Variants in GNPTAB observed in about 807,000 individuals in gnomAD.
GNPTAB encodes the protein N-acetylglucosamine-1-phosphate transferase subunits alpha and beta, also known as N-acetylglucosamine-1-phosphotransferase subunits alpha/beta.
In GNPTAB, 92 loss-of-function variants were observed where a neutral mutation model predicts 136.6. The observed-to-expected ratio is 0.67, with a 90% confidence interval of 0.57 to 0.80. GNPTAB has a LOEUF of 0.80. Ranked by LOEUF, GNPTAB falls within the 30% of genes least tolerant of loss-of-function variation. The pLI is 0.00. For synonymous variants in GNPTAB, 512 were observed against 535.1 expected, an observed-to-expected ratio of 0.96 and a Z score of 0.60; for missense variants, 1,343 against 1,501.8, an observed-to-expected ratio of 0.89 and a Z score of 1.75.
intron 5 of GNPTAB, among the ~76,000 whole-genome samples, chr12:101,784,119 T>A: frequency 6.6e-6 from 1 of 152,160 alleles, no homozygotes; most frequent in East Asian, 1.9e-4. Flanking sequence ...AATAAAAAAA[T>A]TCCATGAGAA....
At chr12:101,774,143 C>A (rs1487019141) in intron 7 of GNPTAB, among the ~76,000 whole-genome samples, 1 of 152,142 alleles carries the variant, frequency 6.6e-6, no homozygotes, top group Non-Finnish European at 1.5e-5. Flanking sequence ...AGAGGGAGAA[C>A]TAAATGGTGG....
chr12:101,781,778 G>A (rs1315618886), intron 5 of GNPTAB, among the ~76,000 whole-genome samples: 1 of 152,200 alleles, frequency 6.6e-6, no homozygotes, highest in Non-Finnish European at 1.5e-5. Context: ...TGGCTGTTAA[G>A]AGTATGAATT....
At chr12:101,812,323 T>C (rs1036466045) in intron 1 of GNPTAB, among the ~76,000 whole-genome samples, 9 of 151,852 alleles carry the variant, frequency 5.9e-5, no homozygotes, top group Non-Finnish European at 1.3e-4. Context: ...AAGGGGGAAG[T>C]CCCCCACTAT....
chr12:101,793,449 G>A (rs1471593034), intron 2 of GNPTAB, among the ~76,000 whole-genome samples: 1 of 152,090 alleles, frequency 6.6e-6, no homozygotes, highest in Non-Finnish European at 1.5e-5. Context: ...TTATTTAGCT[G>A]ATTAAAACAT....
At chr12:101,801,231 CAAAAA>C (rs35036983) in intron 1 of GNPTAB, among the ~76,000 whole-genome samples, 1 of 12,748 alleles carries the variant, frequency 7.8e-5, no homozygotes, top group African/African-American at 3.2e-4. Context: ...GACCCTGTCT[CAAAAA>C]AAAAAAAAAA....
intron 1 of GNPTAB, among the ~76,000 whole-genome samples, chr12:101,821,374 T>G (rs1870796289): frequency 1.3e-5 from 2 of 152,224 alleles, no homozygotes; most frequent in Admixed American, 6.5e-5. Flanking sequence ...ATTCCATCTT[T>G]GTGACCAGGA....
chr12:101,780,084 C>A (rs1953318267), intron 7 of GNPTAB, 68 bp downstream of exon 7: 1 of 1,481,124 alleles, frequency 6.8e-7, no homozygotes, highest in African/African-American at 1.4e-5. Context: ...AAAAATGGAC[C>A]ACAAGAAAAG....
At chr12:101,801,892 A>T (rs1001437393) in intron 1 of GNPTAB, among the ~76,000 whole-genome samples, 1 of 151,914 alleles carries the variant, frequency 6.6e-6, no homozygotes, top group Admixed American at 6.6e-5. Flanking sequence ...AAAAAAGAAA[A>T]AATTTTTTTT....
At chr12:101,830,418 A>G in intron 1 of GNPTAB, 141 bp downstream of exon 1, 2 of 635,226 alleles carry the variant, frequency 3.1e-6, no homozygotes, top group Admixed American at 4.4e-5. Flanking sequence ...TGAGCTCAGG[A>G]GTTCGAGACC....
At chr12:101,792,021 A>C (rs549500175) in intron 2 of GNPTAB, among the ~76,000 whole-genome samples, 1 of 152,308 alleles carries the variant, frequency 6.6e-6, no homozygotes, top group Non-Finnish European at 1.5e-5. Context: ...CAAATAAATA[A>C]AGTCAGATGA....
In GNPTAB at chr12:101,761,306, G is replaced by T. The variant is rs769587233; in HGVS notation, c.2956C>A (p.Arg986Ser). 11 of 1,614,030 alleles carry T rather than the reference G, an allele frequency of 6.8e-6. No homozygotes were observed. Among genetic ancestry groups the T allele is most frequent in the Non-Finnish European group, 9.3e-6 (11 of 1,179,996 alleles). Residue 986 changes from arginine (R) to serine (S), a missense_variant, in exon 15 of 21, where the codon CGC becomes AGC. Arg to Ser is a moderately radical substitution (Grantham distance 110). Transcript: ENST00000299314. The part of the protein sequence containing the change: ...EFDKTSFHKV[R>S]HSEDMQFAFS... ...GCAAACTGCATATCCTCAGAATGGC[G>T]CACTTTGTGAAATGACGTCTTGTCA...
chr12:101,789,034 G>A (rs1463161651), intron 3 of GNPTAB, among the ~76,000 whole-genome samples: 1 of 152,178 alleles, frequency 6.6e-6, no homozygotes, highest in African/African-American at 2.4e-5. Context: ...AGGCATAAAG[G>A]GAGTATACTT....
intron 8 of GNPTAB, 30 bp from the exon 9 acceptor site, chr12:101,770,615 T>C (rs1953157580): frequency 2.0e-6 from 3 of 1,502,320 alleles, no homozygotes; most frequent in Non-Finnish European, 1.9e-6. Context: ...TATGAAGATG[T>C]GAAATACCCC....
intron 2 of GNPTAB, 22 bp from the exon 3 acceptor site, chr12:101,790,079 T>C (rs1223395144): frequency 1.9e-6 from 3 of 1,613,886 alleles, no homozygotes; most frequent in Admixed American, 1.7e-5. Context: ...CAACAAATCC[T>C]CCAGCTTAAA....
intron 1 of GNPTAB, among the ~76,000 whole-genome samples, chr12:101,817,522 G>A (rs1870568303): frequency 6.6e-6 from 1 of 151,990 alleles, no homozygotes; most frequent in Admixed American, 6.6e-5. Flanking sequence ...ACCCACCTAA[G>A]CCTCTCAAAG....
intron 1 of GNPTAB, among the ~76,000 whole-genome samples, chr12:101,813,808 T>G (rs925141226): frequency 6.6e-6 from 1 of 152,038 alleles, no homozygotes; most frequent in African/African-American, 2.4e-5. Context: ...AGGCCGGGCA[T>G]GGTGGCTCAC....
intron 4 of GNPTAB, among the ~76,000 whole-genome samples, 157 bp from the exon 5 acceptor site, chr12:101,786,374 T>C (rs1430382953): frequency 6.6e-6 from 1 of 152,182 alleles, no homozygotes; most frequent in Admixed American, 6.5e-5. Flanking sequence ...GATACAAAAA[T>C]TAAGTTAGCA....
At chr12:101,784,745 G>A (rs1219495520) in intron 5 of GNPTAB, among the ~76,000 whole-genome samples, 5 of 151,998 alleles carry the variant, frequency 3.3e-5, no homozygotes, top group Non-Finnish European at 7.4e-5. Context: ...AAAGTAAGGA[G>A]TCAAAGATGG....
chr12:101,769,347 A>C (rs764057800), intron 10 of GNPTAB, among the ~76,000 whole-genome samples: 8 of 152,148 alleles, frequency 5.3e-5, no homozygotes, highest in Admixed American at 1.3e-4. Context: ...CTATAGCTTT[A>C]AGCACTAACT....
Sources: gnomAD v4.1 joint callset for allele counts (sites outside exome capture counted in the v4.1 genomes callset) on GRCh38, gnomAD v4.1.1 for gene constraint, MANE v1.5 for transcripts, NCBI Gene and HGNC (gene_info 2026-07-23, HGNC 2026-07-21) for gene names.